The following FBXL13 variants were observed in gnomAD, a reference collection of about 807,000 sequenced individuals.
The protein encoded by FBXL13 is F-box and leucine-rich repeat protein 13.
Under a neutral mutation model 83.6 loss-of-function variants are expected in FBXL13, and 67 were observed. The observed-to-expected ratio is 0.80, with a 90% CI of 0.66 to 0.98. The LOEUF (loss-of-function observed/expected upper bound fraction) is 0.98, where lower values mean the gene tolerates loss of function less well. Among genes scored for constraint, FBXL13 ranks in the 50% least tolerant of loss-of-function variants. FBXL13 has a pLI of 0.00. For synonymous variants in FBXL13, 272 were observed against 299.5 expected (o/e 0.91, Z 0.95); for missense variants, 822 against 866.5 (o/e 0.95, Z 0.64).
At chr7:102,812,686 T>C (rs1797495174), downstream of FBXL13, among the ~76,000 whole-genome samples, 1 of 152,162 alleles carries the variant, frequency 6.6e-6, no homozygotes. Context: ...TGCTTTCTTT[T>C]TCCTTTCTAA....
chr7:102,903,362 A>C (rs1259327496), intron 11 of FBXL13, among the ~76,000 whole-genome samples: 1 of 152,062 alleles, frequency 6.6e-6, no homozygotes, highest in East Asian at 1.9e-4. Context: ...TCTGCAAACA[A>C]GGATAATTTG....
intron 16 of FBXL13, among the ~76,000 whole-genome samples, chr7:102,866,580 CA>C (rs754552611): frequency 1.3e-5 from 2 of 152,188 alleles, no homozygotes; most frequent in Non-Finnish European, 2.9e-5. Context: ...TCTTGAATCC[CA>C]AGTGATTTCA....
chr7:102,922,868 C>T (rs891786633), intron 10 of FBXL13, among the ~76,000 whole-genome samples: 2 of 152,044 alleles, frequency 1.3e-5, no homozygotes, highest in Non-Finnish European at 2.9e-5. Context: ...GTCCCAGCTA[C>T]TCAGGAGGCT....
chr7:102,964,514 T>G (rs1157604010), intron 7 of FBXL13, among the ~76,000 whole-genome samples: 1 of 151,378 alleles, frequency 6.6e-6, no homozygotes, highest in Non-Finnish European at 1.5e-5. Context: ...GTGATTCTCC[T>G]GCCTCAGCCT....
rs117780463 is a variant in FBXL13, at chr7:103,010,159, C to T, written c.495+14904G>A. Among the ~76,000 whole-genome samples, 735 of 152,160 alleles carry T rather than the reference C, an allele frequency of 4.8e-3. 20 individuals carry two copies. The highest frequency in any genetic ancestry group is 0.038 in the Admixed American group (587 of 15,276). ...TGGAGGGCATAGCTTCCTGTTGTCCCGGGAAATACCTGGATGGCAGAGTGT... is the reference window on the plus strand; with the variant it reads ...TGGAGGGCATAGCTTCCTGTTGTCCTGGGAAATACCTGGATGGCAGAGTGT... On this transcript the variant is annotated intron_variant, in intron 6 of 19. Coordinates refer to ENST00000313221, the Ensembl canonical transcript of FBXL13.
exon 15 of FBXL13, chr7:102,878,390 C>G (rs769258669): frequency 6.2e-7 from 1 of 1,610,018 alleles, no homozygotes; most frequent in Admixed American, 1.7e-5. Flanking sequence ...TTAAATTTAG[C>G]TCTCTTATCC....
intron 8 of FBXL13, among the ~76,000 whole-genome samples, chr7:102,957,496 C>T (rs1824473474): frequency 6.6e-6 from 1 of 152,104 alleles, no homozygotes; most frequent in Non-Finnish European, 1.5e-5. Flanking sequence ...ATGACTAAAA[C>T]ACCAAAAGCA....
chr7:102,941,118 A>G (rs1385404791), intron 8 of FBXL13, among the ~76,000 whole-genome samples: 1 of 152,250 alleles, frequency 6.6e-6, no homozygotes, highest in Non-Finnish European at 1.5e-5. Flanking sequence ...GGACAGCAGT[A>G]TGCTACACTT....
intron 2 of FBXL13, among the ~76,000 whole-genome samples, chr7:103,047,748 G>A (rs1349088256): frequency 6.6e-6 from 1 of 152,150 alleles, no homozygotes; most frequent in African/African-American, 2.4e-5. Context: ...AGGCTGGAGT[G>A]CAGAGGCACG....
chr7:102,935,497 G>A (rs943923126), intron 8 of FBXL13, among the ~76,000 whole-genome samples: 5 of 152,048 alleles, frequency 3.3e-5, no homozygotes, highest in Non-Finnish European at 7.4e-5. Context: ...TGAGAACTAT[G>A]AGACTAAGGA....
chr7:103,034,488 C>A (rs932455077), intron 2 of FBXL13, among the ~76,000 whole-genome samples: 1 of 152,224 alleles, frequency 6.6e-6, no homozygotes, highest in African/African-American at 2.4e-5. Context: ...GCCGGCTGGC[C>A]GCTCTGAGTG....
intron 8 of FBXL13, among the ~76,000 whole-genome samples, chr7:102,952,289 A>G (rs1332338197): frequency 6.6e-6 from 1 of 152,226 alleles, no homozygotes; most frequent in Non-Finnish European, 1.5e-5. Flanking sequence ...TGGTTGCATA[A>G]GAATGTGAAT....
At chr7:103,060,610 C>T (rs2129498810) in intron 1 of FBXL13, among the ~76,000 whole-genome samples, 1 of 152,206 alleles carries the variant, frequency 6.6e-6, no homozygotes, top group South Asian at 2.1e-4. Context: ...AAGATAGTAA[C>T]TATTATAACC....
chr7:102,887,610 T>C (rs907032939), intron 11 of FBXL13, among the ~76,000 whole-genome samples: 13 of 152,216 alleles, frequency 8.5e-5, no homozygotes, highest in Non-Finnish European at 1.9e-4. Context: ...GCAGCAGAAT[T>C]GTTTCCTCTT....
At position 102,832,982 on chromosome 7, in the gene FBXL13, A is replaced by G; in HGVS notation, c.1720-8T>C. On this transcript the variant is annotated splice_polypyrimidine_tract_variant and splice_region_variant and intron_variant, in intron 17 of 19. Transcript: ENST00000313221. ...TGAGCTTTTGCAGAATGCCTGCAAA[A>G]AATTCCAAGGTCAAATTTTTTCTTT... 1 of 1,614,038 alleles carries G rather than the reference A, an allele frequency of 6.2e-7. No individual in the cohort carries two copies. The highest frequency in any genetic ancestry group is 8.5e-7 in the Non-Finnish European group (1 of 1,179,996).
At chr7:102,917,998 C>T (rs561706786) in intron 10 of FBXL13, among the ~76,000 whole-genome samples, 1 of 152,238 alleles carries the variant, frequency 6.6e-6, no homozygotes, top group South Asian at 2.1e-4. Flanking sequence ...AAATAAAAAG[C>T]TGGCAAATCA....
rs569181824 is a variant in FBXL13, at chr7:102,956,445, T to C, written c.724+7088A>G. On this transcript the variant is annotated intron_variant, in intron 8 of 19. Coordinates refer to ENST00000313221, the Ensembl canonical transcript of FBXL13. ...CAATATCATACTGAATGGGCAAAAT[T>C]TGGAAGCATTCCCTTTGAAAACCAG... Among the ~76,000 whole-genome samples the C allele has an allele frequency of 6.4e-3, 972 of 152,176 alleles. 5 individuals are homozygous for C. The highest frequency in any genetic ancestry group is 0.011 in the Non-Finnish European group (750 of 67,984).
chr7:103,014,921 CAAAAAAAAA>C (rs1166056647), intron 6 of FBXL13, among the ~76,000 whole-genome samples: 2 of 20,626 alleles, frequency 9.7e-5, no homozygotes, highest in African/African-American at 2.3e-4. Flanking sequence ...GACTCCGTCT[CAAAAAAAAA>C]AAAAAAAAAA....
At chr7:103,021,808 G>A (rs1470912143) in intron 6 of FBXL13, among the ~76,000 whole-genome samples, 1 of 152,138 alleles carries the variant, frequency 6.6e-6, no homozygotes, top group African/African-American at 2.4e-5. Context: ...AGTTAGAATG[G>A]TGATCATTAA....
Sources: gnomAD v4.1 joint callset for allele counts (sites outside exome capture counted in the v4.1 genomes callset) on GRCh38, gnomAD v4.1.1 for gene constraint, MANE v1.5 for transcripts, NCBI Gene and HGNC (gene_info 2026-07-23, HGNC 2026-07-21) for gene names.